COL25A1: variants seen among roughly 807,000 people sequenced by gnomAD.
COL25A1 encodes collagen type XXV alpha 1 chain, also known as collagen alpha-1(XXV) chain.
A neutral mutation model predicts 128.4 loss-of-function variants in COL25A1; 103 were observed. The observed-to-expected ratio is 0.80, with a 90% CI of 0.68 to 0.94. The LOEUF (loss-of-function observed/expected upper bound fraction) is 0.94. Among genes scored for constraint, COL25A1 ranks in the 40% least tolerant of loss-of-function variants. The pLI, the probability that COL25A1 is intolerant of heterozygous loss-of-function variation, is 0.00. For synonymous variants in COL25A1, 279 were observed against 277.2 expected (o/e 1.01, Z -0.06); for missense variants, 745 against 840.0 (o/e 0.89, Z 1.40).
chr4:109,147,145 T>C (rs1306804737), intron 3 of COL25A1, among the ~76,000 whole-genome samples: 1 of 152,252 alleles, frequency 6.6e-6, no homozygotes, highest in Non-Finnish European at 1.5e-5. Context: ...AATTGTAACC[T>C]GAGTTTGCTT....
intron 14 of COL25A1, 24 bp from the exon 15 acceptor site, chr4:108,899,204 G>A: frequency 6.2e-7 from 1 of 1,602,298 alleles, no homozygotes; most frequent in Non-Finnish European, 8.5e-7. Flanking sequence ...CAGAGATTGG[G>A]TGACATCAAA....
intron 13 of COL25A1, among the ~76,000 whole-genome samples, chr4:108,917,925 C>T (rs1310731424): frequency 6.6e-6 from 1 of 152,154 alleles, no homozygotes; most frequent in Admixed American, 6.5e-5. Context: ...GTATCACATA[C>T]ATAATTTATT....
chr4:108,832,495 C>G (rs1280272153), intron 31 of COL25A1, 62 bp from the exon 32 acceptor site: 1 of 1,169,336 alleles, frequency 8.6e-7, no homozygotes, highest in East Asian at 2.4e-5. Flanking sequence ...TATAATTTAT[C>G]CTGGATTTTT....
chr4:108,823,797 T>A (rs1732054547), intron 35 of COL25A1: 1 of 591,260 alleles, frequency 1.7e-6, no homozygotes. Context: ...ACAAGTGAGA[T>A]GCTGCCTTTG....
chr4:109,071,276 T>G (rs1261162956), intron 3 of COL25A1, among the ~76,000 whole-genome samples: 1 of 152,016 alleles, frequency 6.6e-6, no homozygotes, highest in African/African-American at 2.4e-5. Context: ...CCCTTCCTTA[T>G]ACCTTATACA....
chr4:109,100,533 G>A (rs1302697503), intron 3 of COL25A1, among the ~76,000 whole-genome samples: 2 of 151,836 alleles, frequency 1.3e-5, no homozygotes, highest in East Asian at 1.9e-4. Flanking sequence ...GTGGGTGATT[G>A]AAATAAGGAG....
intron 3 of COL25A1, among the ~76,000 whole-genome samples, chr4:109,286,222 TTTAA>T (rs1723879324): frequency 6.6e-6 from 1 of 152,186 alleles, no homozygotes; most frequent in Admixed American, 6.5e-5. Context: ...GTGTACCACT[TTTAA>T]TTCAAATTTT....
At chr4:109,129,371 C>T (rs972478843) in intron 3 of COL25A1, among the ~76,000 whole-genome samples, 3 of 152,014 alleles carry the variant, frequency 2.0e-5, no homozygotes, top group Non-Finnish European at 4.4e-5. Context: ...TCAGGAGATC[C>T]GCCCACCTGA....
chr4:109,123,493 A>G (rs1178780153), intron 3 of COL25A1, among the ~76,000 whole-genome samples: 2 of 152,090 alleles, frequency 1.3e-5, no homozygotes, highest in African/African-American at 4.8e-5. Flanking sequence ...ATAAATAAAT[A>G]AGTTGATATG....
chr4:109,270,039 T>A (rs1337236994), intron 3 of COL25A1, among the ~76,000 whole-genome samples: 1 of 152,052 alleles, frequency 6.6e-6, no homozygotes, highest in Non-Finnish European at 1.5e-5. Flanking sequence ...CTAAAAACTC[T>A]CAATAAATTA....
intron 3 of COL25A1, among the ~76,000 whole-genome samples, chr4:109,267,141 T>C (rs1349279686): frequency 2.0e-5 from 3 of 152,144 alleles, no homozygotes; most frequent in Non-Finnish European, 4.4e-5. Context: ...AACCTATAGC[T>C]CTCTTAAAAC....
chr4:109,051,397 A>C (rs3113681), intron 3 of COL25A1, among the ~76,000 whole-genome samples: 74,139 of 151,918 alleles, frequency 0.49, 19,610 homozygotes, highest in African/African-American at 0.67. Context: ...TAAAACCAAT[A>C]GAAAATATTA....
At chr4:109,099,408 T>C (rs1310188017) in intron 3 of COL25A1, among the ~76,000 whole-genome samples, 1 of 152,164 alleles carries the variant, frequency 6.6e-6, no homozygotes, top group African/African-American at 2.4e-5. Context: ...TTTTCTGATA[T>C]AAAAGAAAAG....
intron 3 of COL25A1, among the ~76,000 whole-genome samples, chr4:109,279,033 C>G (rs1164294986): frequency 6.7e-6 from 1 of 150,140 alleles, no homozygotes. Context: ...CCTCTGTCCT[C>G]ATGAACTAGT....
chr4:109,073,475 G>A (rs62313716), intron 3 of COL25A1, among the ~76,000 whole-genome samples: 1,923 of 152,188 alleles, frequency 0.013, 18 homozygotes, highest in Middle Eastern at 0.048. Flanking sequence ...TAACACAATC[G>A]CTGCAGATCT....
chr4:108,965,958 G>A (rs973933019), intron 8 of COL25A1, among the ~76,000 whole-genome samples: 1 of 152,154 alleles, frequency 6.6e-6, no homozygotes, highest in Non-Finnish European at 1.5e-5. Context: ...CTAATAGCAA[G>A]TATAAGCAAG....
At chr4:108,919,610 C>A (rs1160412711) in intron 12 of COL25A1, among the ~76,000 whole-genome samples, 1 of 152,002 alleles carries the variant, frequency 6.6e-6, no homozygotes, top group African/African-American at 2.4e-5. Flanking sequence ...GGTTAAATAT[C>A]CCCCTCCCGG....
chr4:109,025,647 A>G (rs1182007609), intron 5 of COL25A1, among the ~76,000 whole-genome samples: 1 of 152,162 alleles, frequency 6.6e-6, no homozygotes, highest in African/African-American at 2.4e-5. Context: ...AATCCTAAAA[A>G]TGAAGCCTGT....
intron 24 of COL25A1, among the ~76,000 whole-genome samples, chr4:108,858,094 G>C (rs1560759103): frequency 6.6e-6 from 1 of 152,094 alleles, no homozygotes; most frequent in Admixed American, 6.6e-5. Flanking sequence ...TTATATCAGG[G>C]GGAATTCTGC....
Sources: allele counts gnomAD v4.1 joint callset (sites outside exome capture counted in the v4.1 genomes callset), GRCh38; gene constraint gnomAD v4.1.1; transcripts MANE v1.5; gene names NCBI Gene and HGNC (gene_info 2026-07-23, HGNC 2026-07-21).